AVEN: variants seen among roughly 807,000 people sequenced by gnomAD.
AVEN encodes cell death regulator Aven.
AVEN carries 41 observed loss-of-function variants against 38.1 expected under a neutral mutation model. The ratio of observed to expected loss-of-function variants is 1.08; its 90% CI spans 0.84 to 1.40. The LOEUF is 1.40. AVEN is among the 40% of genes most tolerant of loss of function. AVEN has a pLI of 0.00. For missense variants in AVEN, 605 were observed against 438.8 expected (o/e 1.38, Z -3.38); for synonymous variants, 206 against 171.8 (o/e 1.20, Z -1.56).
chr15:33,864,199 T>G (rs747027701), downstream of AVEN: 2 of 1,603,220 alleles, frequency 1.2e-6, no homozygotes, highest in Non-Finnish European at 1.7e-6. Flanking sequence ...GGTGAGAAAT[T>G]AAGAATCATA....
At chr15:33,854,719 C>A, downstream of AVEN, 1 of 1,567,776 alleles carries the variant, frequency 6.4e-7, no homozygotes, top group Non-Finnish European at 8.6e-7. Flanking sequence ...ATAATGAGCA[C>A]ACTATGAGGC....
At chr15:34,062,554 C>CAAAA (rs10632153) in intron 5 of AVEN, 11,658 of 403,044 alleles carry the variant, frequency 0.029, 1 homozygote, top group Non-Finnish European at 0.034. Flanking sequence ...GATTCTGTCT[C>CAAAA]AAAAAAAAAA....
At chr15:34,034,413 C>T (rs968253311) in intron 1 of AVEN, among the ~76,000 whole-genome samples, 5 of 143,306 alleles carry the variant, frequency 3.5e-5, no homozygotes. Context: ...TGCACTCCAG[C>T]GTGAGCAACA....
intron 1 of AVEN, among the ~76,000 whole-genome samples, chr15:34,022,915 C>T (rs1038404450): frequency 2.0e-5 from 3 of 152,196 alleles, no homozygotes; most frequent in East Asian, 1.9e-4. Context: ...AGGCCGGGCG[C>T]GGTGGCTCAC....
At chr15:33,861,272 C>G (rs1019877157), downstream of AVEN, 6 of 911,896 alleles carry the variant, frequency 6.6e-6, no homozygotes, top group Non-Finnish European at 1.7e-6. Context: ...AAAAGAGTAA[C>G]CAGAAAGGAA....
At chr15:34,010,332 A>C (rs1034940369) in intron 1 of AVEN, among the ~76,000 whole-genome samples, 1 of 152,220 alleles carries the variant, frequency 6.6e-6, no homozygotes, top group Admixed American at 6.5e-5. Flanking sequence ...AAAATAAATA[A>C]ATAAATAAAA....
chr15:33,996,545 G>A (rs1896945828), intron 2 of AVEN, among the ~76,000 whole-genome samples: 1 of 152,188 alleles, frequency 6.6e-6, no homozygotes, highest in South Asian at 2.1e-4. Flanking sequence ...GCCTCCGCTG[G>A]TGATACCCAG....
intron 5 of AVEN, among the ~76,000 whole-genome samples, chr15:34,048,036 T>TG (rs1899780116): frequency 5.2e-5 from 6 of 115,618 alleles, no homozygotes; most frequent in Non-Finnish European, 9.6e-5. Context: ...TGTGTGTGTG[T>TG]TTGTGTGTGT....
rs745952517 is a variant in AVEN at position 34,003,183 on chromosome 15, G to A, written c.294C>T (p.Thr98=). Residue 98 remains threonine (T), a synonymous_variant, in exon 2 of 6, where the codon ACC becomes ACT. Coordinates refer to ENST00000306730, the MANE Select transcript of AVEN (RefSeq NM_020371.3). ...APVEDDSDAE[T]YGEENDEQGN... Reference sequence around the variant, plus strand: ...CCTGTTCATCATTCTCTTCTCCATAGGTCTCTGCATCGCTGTCATCTTCAA... The same window carrying A: ...CCTGTTCATCATTCTCTTCTCCATAAGTCTCTGCATCGCTGTCATCTTCAA... The A allele has an allele frequency of 1.2e-6, 2 of 1,613,490 alleles. No homozygotes were observed. The highest frequency in any genetic ancestry group is 1.7e-6 in the Non-Finnish European group (2 of 1,179,846).
chr15:33,905,153 A>C (rs200632928), intron 2 of AVEN, among the ~76,000 whole-genome samples: 9,729 of 130,130 alleles, frequency 0.075, 378 homozygotes, highest in Non-Finnish European at 0.099. Context: ...AAAAAAAAAA[A>C]ACTACTTTTG....
Position 33,922,614 on chromosome 15 carries a change from G to A in AVEN, c.446-46619C>T, listed in dbSNP as rs141982178. On this transcript the variant is annotated intron_variant, in intron 2 of 5. Coordinates refer to ENST00000306730, the MANE Select transcript of AVEN (RefSeq NM_020371.3). ...CACACCCAGCTAATTTTTATTTTTT[G>A]TAGAGATGGGGTCTCACTATGTTGC... Among the ~76,000 whole-genome samples the A allele has an allele frequency of 5.5e-4, 83 of 152,024 alleles. No individual in the cohort carries two copies. In the East Asian group the frequency reaches 0.016, roughly 29 times the overall value.
At chr15:33,871,971 G>A (rs935427944) in intron 3 of AVEN, among the ~76,000 whole-genome samples, 3 of 152,212 alleles carry the variant, frequency 2.0e-5, no homozygotes, top group African/African-American at 7.2e-5. Flanking sequence ...ATGTTTTAAA[G>A]TATTCGGTGC....
At chr15:34,046,430 T>C (rs1439268760) in intron 5 of AVEN, 1 of 151,956 alleles carries the variant, frequency 6.6e-6, no homozygotes, top group Non-Finnish European at 1.5e-5. Flanking sequence ...AAAATTTTTT[T>C]AACTCAAGTG....
chr15:34,003,338 A>G, intron 1 of AVEN, 129 bp from the exon 2 acceptor site: 1 of 761,676 alleles, frequency 1.3e-6, no homozygotes, highest in Non-Finnish European at 2.1e-6. Context: ...TGAAGATATT[A>G]AATATTATTT....
intron 2 of AVEN, among the ~76,000 whole-genome samples, chr15:33,992,465 C>G (rs61134341): frequency 0.089 from 13,554 of 152,044 alleles, 698 homozygotes; most frequent in South Asian, 0.21. Flanking sequence ...TTTTTGTTAT[C>G]GGAGTTTTCC....
chr15:33,937,260 C>T (rs1052157167), intron 2 of AVEN, among the ~76,000 whole-genome samples: 4 of 151,682 alleles, frequency 2.6e-5, no homozygotes, highest in African/African-American at 9.7e-5. Flanking sequence ...CAGGGCCGGG[C>T]ACGGTGGCTC....
intron 2 of AVEN, among the ~76,000 whole-genome samples, chr15:33,933,204 TACG>T (rs1450257830): frequency 2.6e-5 from 4 of 152,150 alleles, no homozygotes; most frequent in African/African-American, 4.8e-5. Context: ...ATAGGTAGGT[TACG>T]ACAACTCTGT....
At chr15:34,040,170 C>CA (rs922746200), upstream of AVEN, among the ~76,000 whole-genome samples, 168 of 147,780 alleles carry the variant, frequency 1.1e-3, 1 homozygote, top group East Asian at 5.3e-3. Flanking sequence ...AAAACAAAAA[C>CA]AAAAAAAAAA....
upstream of AVEN, among the ~76,000 whole-genome samples, chr15:34,040,581 GTC>G: frequency 6.6e-6 from 1 of 152,178 alleles, no homozygotes; most frequent in African/African-American, 2.4e-5. Context: ...AGCTAGTGTT[GTC>G]TCCATTTTAC....
Sources: allele counts gnomAD v4.1 joint callset (sites outside exome capture counted in the v4.1 genomes callset), GRCh38; gene constraint gnomAD v4.1.1; transcripts MANE v1.5; gene names NCBI Gene and HGNC (gene_info 2026-07-23, HGNC 2026-07-21).